OPCML: variants seen among roughly 807,000 people sequenced by gnomAD.
OPCML encodes the protein opioid binding protein/cell adhesion molecule like.
Under a neutral mutation model 37.8 loss-of-function variants are expected in OPCML, and 13 were observed. The ratio of observed to expected loss-of-function variants is 0.34; its 90% CI spans 0.22 to 0.55. The LOEUF is 0.55. Ranked by LOEUF, OPCML falls within the 20% of genes least tolerant of loss-of-function variation. The pLI is 0.91. For synonymous variants in OPCML, 176 were observed against 168.8 expected (o/e 1.04, Z -0.33); for missense variants, 341 against 435.6 (o/e 0.78, Z 1.93).
chr11:133,397,015 CA>C (rs1366364039), intron 1 of OPCML, among the ~76,000 whole-genome samples: 3 of 152,202 alleles, frequency 2.0e-5, no homozygotes, highest in Non-Finnish European at 4.4e-5. Context: ...CATCACTCCT[CA>C]ACAACGTGCA....
intron 2 of OPCML, among the ~76,000 whole-genome samples, chr11:132,731,474 A>G (rs1012302449): frequency 2.0e-5 from 3 of 152,230 alleles, no homozygotes; most frequent in Admixed American, 2.0e-4. Flanking sequence ...CAGACTATGA[A>G]AGATAAGCCA....
At chr11:132,556,366 C>A (rs1287479495) in intron 3 of OPCML, among the ~76,000 whole-genome samples, 1 of 152,136 alleles carries the variant, frequency 6.6e-6, no homozygotes, top group African/African-American at 2.4e-5. Context: ...GGCAAGCCTA[C>A]CCAAAGATCT....
chr11:133,358,137 A>G (rs1403248601), intron 1 of OPCML, among the ~76,000 whole-genome samples: 3 of 152,202 alleles, frequency 2.0e-5, no homozygotes, highest in Admixed American at 6.5e-5. Context: ...CAATGGGTGA[A>G]TTGAATGAGT....
chr11:133,493,210 T>C (rs1056047498), intron 1 of OPCML, among the ~76,000 whole-genome samples: 4 of 152,268 alleles, frequency 2.6e-5, no homozygotes, highest in African/African-American at 4.8e-5. Context: ...TGAGAGAAGA[T>C]GGTAAGAGCA....
At chr11:132,670,978 A>G (rs1942450567) in intron 2 of OPCML, among the ~76,000 whole-genome samples, 1 of 152,222 alleles carries the variant, frequency 6.6e-6, no homozygotes, top group African/African-American at 2.4e-5. Flanking sequence ...CAAGTTTAGA[A>G]AACAGAAATT....
At chr11:133,026,227 G>A (rs1314731001) in intron 1 of OPCML, 4 of 645,552 alleles carry the variant, frequency 6.2e-6, no homozygotes, top group Non-Finnish European at 7.7e-6. Context: ...GGTTAGAGAA[G>A]TCAGTTACAG....
intron 4 of OPCML, among the ~76,000 whole-genome samples, chr11:132,494,595 A>G (rs1170288150): frequency 6.6e-6 from 1 of 152,172 alleles, no homozygotes; most frequent in East Asian, 1.9e-4. Context: ...CTCAACAATT[A>G]TAGTGTCTTC....
intron 3 of OPCML, among the ~76,000 whole-genome samples, chr11:132,587,600 C>A (rs1374824014): frequency 6.6e-6 from 1 of 152,170 alleles, no homozygotes; most frequent in African/African-American, 2.4e-5. Flanking sequence ...TGAGCCTGAG[C>A]ATTTTCTTCA....
intron 1 of OPCML, among the ~76,000 whole-genome samples, chr11:133,028,234 CAT>C (rs1025177821): frequency 3.3e-5 from 5 of 151,798 alleles, no homozygotes; most frequent in African/African-American, 4.8e-5. Flanking sequence ...AAAAGGCACA[CAT>C]GTCTTAAAAA....
At chr11:132,603,949 T>A (rs1366000593) in intron 3 of OPCML, among the ~76,000 whole-genome samples, 5 of 152,156 alleles carry the variant, frequency 3.3e-5, no homozygotes, top group Admixed American at 6.5e-5. Flanking sequence ...TACGGATACT[T>A]TATGCTATAG....
intron 2 of OPCML, among the ~76,000 whole-genome samples, chr11:132,789,296 T>G (rs996634395): frequency 3.9e-5 from 6 of 152,208 alleles, no homozygotes; most frequent in Non-Finnish European, 7.3e-5. Flanking sequence ...CACCACTGTC[T>G]AGGCAACATA....
At chr11:132,854,611 G>A (rs569285258) in intron 2 of OPCML, among the ~76,000 whole-genome samples, 12 of 152,334 alleles carry the variant, frequency 7.9e-5, no homozygotes, top group African/African-American at 2.4e-4. Context: ...TTTAGGAGCT[G>A]TATGGGAGGA....
intron 1 of OPCML, among the ~76,000 whole-genome samples, chr11:133,109,335 G>C (rs914309024): frequency 2.6e-5 from 4 of 152,110 alleles, no homozygotes; most frequent in African/African-American, 9.7e-5. Context: ...AGGACTGAGT[G>C]GGTTACCGCT....
intron 1 of OPCML, among the ~76,000 whole-genome samples, chr11:133,509,302 T>A (rs1948104540): frequency 6.6e-6 from 1 of 152,210 alleles, no homozygotes; most frequent in African/African-American, 2.4e-5. Flanking sequence ...CTTCCACTTG[T>A]AAGTGAGAAC....
chr11:133,191,493 C>CTGTGTG (rs1446165738), intron 1 of OPCML, among the ~76,000 whole-genome samples: 3 of 119,614 alleles, frequency 2.5e-5, no homozygotes, highest in Non-Finnish European at 3.6e-5. Context: ...TTTTTCTTTT[C>CTGTGTG]TGTGTGTGTG....
At chr11:132,947,596 T>C (rs1331094043) in intron 1 of OPCML, among the ~76,000 whole-genome samples, 1 of 152,224 alleles carries the variant, frequency 6.6e-6, no homozygotes, top group African/African-American at 2.4e-5. Flanking sequence ...TGCTGTGGAC[T>C]AGTCTGTGCA....
At chr11:132,999,914 A>G (rs917267632) in intron 1 of OPCML, among the ~76,000 whole-genome samples, 1 of 152,174 alleles carries the variant, frequency 6.6e-6, no homozygotes, top group African/African-American at 2.4e-5. Context: ...ATCCCCCTCA[A>G]AGGCAGCTTG....
intron 3 of OPCML, among the ~76,000 whole-genome samples, chr11:132,614,066 C>T (rs546543986): frequency 6.6e-6 from 1 of 151,890 alleles, no homozygotes; most frequent in African/African-American, 2.4e-5. Flanking sequence ...ATAACCATGC[C>T]CAAGTAGAAA....
At chr11:133,258,208 C>A (rs765533801) in intron 1 of OPCML, among the ~76,000 whole-genome samples, 3 of 152,188 alleles carry the variant, frequency 2.0e-5, no homozygotes, top group Non-Finnish European at 4.4e-5. Context: ...TGCCTGCATG[C>A]CCTAGCCCAT....
Sources: gnomAD v4.1 joint callset for allele counts (sites outside exome capture counted in the v4.1 genomes callset) on GRCh38, gnomAD v4.1.1 for gene constraint, MANE v1.5 for transcripts, NCBI Gene and HGNC (gene_info 2026-07-23, HGNC 2026-07-21) for gene names.